The following SPIRE1 variants were observed in gnomAD, a reference collection of about 807,000 sequenced individuals.
The protein encoded by SPIRE1 is protein spire homolog 1.
A neutral mutation model predicts 94.1 loss-of-function variants in SPIRE1; 40 were observed. The ratio of observed to expected loss-of-function variants is 0.43; its 90% CI spans 0.33 to 0.55. The LOEUF (loss-of-function observed/expected upper bound fraction) is 0.55, where lower values mean the gene tolerates loss of function less well. Ranked by LOEUF, SPIRE1 falls within the 20% of genes least tolerant of loss-of-function variation. The pLI is 0.06. For synonymous variants in SPIRE1, 376 were observed against 371.7 expected (o/e 1.01, Z -0.13); for missense variants, 838 against 975.2 (o/e 0.86, Z 1.87).
intron 2 of SPIRE1, among the ~76,000 whole-genome samples, chr18:12,553,508 G>A (rs969969865): frequency 1.3e-5 from 2 of 152,220 alleles, no homozygotes; most frequent in Non-Finnish European, 2.9e-5. Context: ...AGAGGCGAGG[G>A]AAGAGTGGGA....
chr18:12,531,288 T>G (rs1418715867), intron 4 of SPIRE1, among the ~76,000 whole-genome samples: 1 of 152,158 alleles, frequency 6.6e-6, no homozygotes, highest in Non-Finnish European at 1.5e-5. Context: ...AACACCAGCA[T>G]GTGCATGCCC....
intron 2 of SPIRE1, among the ~76,000 whole-genome samples, chr18:12,614,462 T>A (rs369117954): frequency 3.9e-5 from 6 of 152,164 alleles, no homozygotes; most frequent in Non-Finnish European, 8.8e-5. Context: ...CTTTCCCTGG[T>A]TTTTATTTTA....
chr18:12,567,581 C>T (rs919002821), intron 2 of SPIRE1, among the ~76,000 whole-genome samples: 7 of 152,086 alleles, frequency 4.6e-5, no homozygotes, highest in Admixed American at 2.6e-4. Flanking sequence ...AGCCTGTGTC[C>T]AGCTGTCCCT....
At chr18:12,544,782 ATAAGT>A (rs2035114106) in intron 3 of SPIRE1, among the ~76,000 whole-genome samples, 1 of 152,260 alleles carries the variant, frequency 6.6e-6, no homozygotes, top group Non-Finnish European at 1.5e-5. Context: ...TAATTTTTTT[ATAAGT>A]TAAGATATTT....
chr18:12,486,879 G>A (rs1157001586), intron 8 of SPIRE1, among the ~76,000 whole-genome samples: 2 of 152,162 alleles, frequency 1.3e-5, no homozygotes, highest in African/African-American at 2.4e-5. Context: ...TTGAAATGGA[G>A]TCTCGCTCTG....
At chr18:12,581,635 G>A (rs917007027) in intron 2 of SPIRE1, among the ~76,000 whole-genome samples, 5 of 152,166 alleles carry the variant, frequency 3.3e-5, no homozygotes, top group South Asian at 2.1e-4. Context: ...AGGTCAAGGC[G>A]GGCGGATGAC....
chr18:12,500,588 T>C (rs1271020683), intron 6 of SPIRE1, among the ~76,000 whole-genome samples: 2 of 152,128 alleles, frequency 1.3e-5, no homozygotes, highest in Non-Finnish European at 2.9e-5. Context: ...AATTACTATA[T>C]GATCCAGCCA....
At chr18:12,570,734 T>C (rs1159874547) in intron 2 of SPIRE1, among the ~76,000 whole-genome samples, 1 of 152,210 alleles carries the variant, frequency 6.6e-6, no homozygotes, top group Non-Finnish European at 1.5e-5. Flanking sequence ...GCCGCACACC[T>C]GGACATCTCC....
intron 1 of SPIRE1, among the ~76,000 whole-genome samples, chr18:12,640,432 G>C (rs2144845817): frequency 6.6e-6 from 1 of 152,226 alleles, no homozygotes; most frequent in Admixed American, 6.5e-5. Flanking sequence ...ACCTTCATTT[G>C]TTCAGTAAAT....
intron 2 of SPIRE1, among the ~76,000 whole-genome samples, chr18:12,589,188 A>AT (rs61388055): frequency 0.56 from 85,016 of 151,960 alleles, 24,966 homozygotes; most frequent in Middle Eastern, 0.76. Flanking sequence ...TCTGCACCCA[A>AT]TTTCAGAGAT....
At chr18:12,589,564 T>C (rs752750794) in intron 2 of SPIRE1, among the ~76,000 whole-genome samples, 17 of 152,156 alleles carry the variant, frequency 1.1e-4, no homozygotes, top group Admixed American at 9.2e-4. Flanking sequence ...CAGGTGCACT[T>C]AGGTAAAAGG....
At chr18:12,626,588 C>A (rs1038366684) in intron 2 of SPIRE1, among the ~76,000 whole-genome samples, 1 of 152,080 alleles carries the variant, frequency 6.6e-6, no homozygotes, top group Non-Finnish European at 1.5e-5. Flanking sequence ...GATACAAAGG[C>A]ATCTCATTAT....
At chr18:12,550,994 T>C (rs2035332735) in intron 2 of SPIRE1, among the ~76,000 whole-genome samples, 1 of 152,254 alleles carries the variant, frequency 6.6e-6, no homozygotes, top group Non-Finnish European at 1.5e-5. Flanking sequence ...AGTGCTCTTA[T>C]ACATAGCCAA....
At chr18:12,468,904 A>G in intron 10 of SPIRE1, among the ~76,000 whole-genome samples, 1 of 152,228 alleles carries the variant, frequency 6.6e-6, no homozygotes, top group Admixed American at 6.5e-5. Context: ...ACAAAAAATA[A>G]TAAGAAAATA....
chr18:12,577,592 G>A (rs12963494), intron 2 of SPIRE1, among the ~76,000 whole-genome samples: 3,502 of 152,152 alleles, frequency 0.023, 64 homozygotes, highest in Middle Eastern at 0.044. Context: ...TTGTCATTTA[G>A]GTAGACAAAT....
intron 5 of SPIRE1, among the ~76,000 whole-genome samples, chr18:12,509,841 G>C (rs546757277): frequency 6.6e-6 from 1 of 152,232 alleles, no homozygotes; most frequent in South Asian, 2.1e-4. Context: ...CCAGCACTTT[G>C]GGAGGCCAAG....
At chr18:12,473,068 T>G (rs904945965) in intron 10 of SPIRE1, among the ~76,000 whole-genome samples, 1 of 152,220 alleles carries the variant, frequency 6.6e-6, no homozygotes, top group Non-Finnish European at 1.5e-5. Flanking sequence ...GTACTGGGAT[T>G]ACAGGCGTGA....
chr18:12,642,072 C>T (rs1440611386), intron 1 of SPIRE1, among the ~76,000 whole-genome samples: 8 of 152,010 alleles, frequency 5.3e-5, no homozygotes, highest in African/African-American at 1.4e-4. Context: ...CCTTGTGATC[C>T]GCCCGCCTCA....
At chr18:12,542,282 C>A (rs931643038) in intron 3 of SPIRE1, among the ~76,000 whole-genome samples, 1 of 152,098 alleles carries the variant, frequency 6.6e-6, no homozygotes, top group African/African-American at 2.4e-5. Context: ...GCCAACAAGG[C>A]ATTTTACATT....
Sources: gnomAD v4.1 joint callset for allele counts (sites outside exome capture counted in the v4.1 genomes callset) on GRCh38, gnomAD v4.1.1 for gene constraint, MANE v1.5 for transcripts, NCBI Gene and HGNC (gene_info 2026-07-23, HGNC 2026-07-21) for gene names.